Variants in TUBB3 observed in about 807,000 individuals in gnomAD.
TUBB3 encodes the protein tubulin beta 3 class III, also known as tubulin beta-3 chain.
Under a neutral mutation model 37.8 loss-of-function variants are expected in TUBB3, and 17 were observed. The observed-to-expected ratio is 0.45, with a 90% CI of 0.31 to 0.67. TUBB3 has a LOEUF of 0.67. Ranked by LOEUF, TUBB3 falls within the 30% of genes least tolerant of loss-of-function variation. The pLI is 0.07. For synonymous variants in TUBB3, 332 were observed against 278.9 expected, an observed-to-expected ratio of 1.19 and a Z score of -1.90; for missense variants, 262 against 657.9, an observed-to-expected ratio of 0.40 and a Z score of 6.58.
At chr16:89,928,367 T>G (rs1280878393) in intron 1 of TUBB3, among the ~76,000 whole-genome samples, 1 of 151,378 alleles carries the variant, frequency 6.6e-6, no homozygotes, top group Non-Finnish European at 1.5e-5. Flanking sequence ...ATTTTTTTGT[T>G]TGTTTGTTTG....
chr16:89,926,591 T>C (rs1305077381), intron 1 of TUBB3, among the ~76,000 whole-genome samples: 1 of 152,256 alleles, frequency 6.6e-6, no homozygotes, highest in Admixed American at 6.5e-5. Context: ...TTTTTGGTTA[T>C]GAGAGGAGGC....
chr16:89,923,515 G>A (rs1042139517), intron 1 of TUBB3, 57 bp downstream of exon 1: 3 of 1,338,888 alleles, frequency 2.2e-6, no homozygotes, highest in East Asian at 3.3e-5. Flanking sequence ...GGGAGGCGCC[G>A]TGCCCCGCGG....
intron 1 of TUBB3, among the ~76,000 whole-genome samples, chr16:89,929,857 C>T (rs556159205): frequency 7.9e-5 from 12 of 151,684 alleles, no homozygotes; most frequent in African/African-American, 2.4e-4. Context: ...CTCGCCACCA[C>T]GCCTGGCTAA....
At chr16:89,927,423 C>G (rs983133465) in intron 1 of TUBB3, among the ~76,000 whole-genome samples, 1 of 151,780 alleles carries the variant, frequency 6.6e-6, no homozygotes, top group Non-Finnish European at 1.5e-5. Context: ...TACTTTATCT[C>G]AAATTATAAT....
intron 1 of TUBB3, among the ~76,000 whole-genome samples, chr16:89,927,217 A>G (rs1025153706): frequency 4.6e-5 from 7 of 151,788 alleles, no homozygotes; most frequent in Non-Finnish European, 7.4e-5. Flanking sequence ...CCTACAAAAA[A>G]TAAAAAACAA....
Position 89,932,622 on chromosome 16 carries a change from G to A in TUBB3, c.109G>A (p.Val37Met), listed in dbSNP as rs372720472. 43 of 1,614,054 alleles carry A rather than the reference G, an allele frequency of 2.7e-5. No homozygotes were observed. Among genetic ancestry groups the A allele is most frequent in the Middle Eastern group, 1.6e-4 (1 of 6,084 alleles). Residue 37 changes from valine (V) to methionine (M), a missense_variant, in exon 2 of 4, where the codon GTG (valine) becomes ATG (methionine). Val to Met is a conservative substitution (Grantham distance 21). This residue lies in a region of TUBB3 where 58 missense variants were observed against 74.2 expected (regional missense o/e 0.78). Transcript: ENST00000315491. ...TGGCATCGACCCCAGCGGCAACTAC[G>A]TGGGCGACTCGGACTTGCAGCTGGA... The part of the protein sequence containing the change: ...EHGIDPSGNY[V>M]GDSDLQLERI...
At chr16:89,930,609 G>C (rs1435044912) in intron 1 of TUBB3, among the ~76,000 whole-genome samples, 3 of 152,036 alleles carry the variant, frequency 2.0e-5, no homozygotes, top group African/African-American at 4.8e-5. Context: ...AGTAGAGACA[G>C]GCTGGTCTCG....
At chr16:89,926,382 T>C (rs1024243254) in intron 1 of TUBB3, among the ~76,000 whole-genome samples, 1 of 152,232 alleles carries the variant, frequency 6.6e-6, no homozygotes. Flanking sequence ...ATTCGGGTCC[T>C]GGAGGGGCTT....
rs1317414525 is a variant in TUBB3, at chr16:89,932,617, A to C, written c.104A>C (p.Asn35Thr). 2 of 1,614,152 alleles carry C rather than the reference A, an allele frequency of 1.2e-6. No homozygotes were observed. Among genetic ancestry groups the C allele is most frequent in the South Asian group, 2.2e-5 (2 of 91,082 alleles). Residue 35 changes from asparagine to threonine, a missense_variant, in exon 2 of 4, where the codon AAC becomes ACC. By Grantham distance (65) the Asn-to-Thr change is moderately conservative. This residue lies in a region of TUBB3 where 58 missense variants were observed against 74.2 expected (regional missense o/e 0.78). Transcript: ENST00000315491. ...GAGCATGGCATCGACCCCAGCGGCA[A>C]CTACGTGGGCGACTCGGACTTGCAG... ...SDEHGIDPSG[N>T]YVGDSDLQLE...
At chr16:89,931,354 C>T (rs1412490737) in intron 1 of TUBB3, among the ~76,000 whole-genome samples, 3 of 152,220 alleles carry the variant, frequency 2.0e-5, no homozygotes, top group Non-Finnish European at 1.5e-5. Flanking sequence ...CCTTCATACC[C>T]GTCAGCTCAT....
chr16:89,926,704 G>T (rs2030099354), intron 1 of TUBB3, among the ~76,000 whole-genome samples: 1 of 152,190 alleles, frequency 6.6e-6, no homozygotes, highest in South Asian at 2.1e-4. Flanking sequence ...ACCACGCCTG[G>T]CCACAATTTT....
At chr16:89,930,127 G>T (rs994240366) in intron 1 of TUBB3, among the ~76,000 whole-genome samples, 2 of 144,928 alleles carry the variant, frequency 1.4e-5, no homozygotes, top group Non-Finnish European at 3.0e-5. Flanking sequence ...CTTTCTTTCT[G>T]ACAGTCTCGC....
intron 3 of TUBB3, 159 bp from the exon 4 acceptor site, chr16:89,934,570 C>G: frequency 1.3e-6 from 1 of 740,874 alleles, no homozygotes; most frequent in Non-Finnish European, 2.3e-6. Flanking sequence ...AGGGAAGCCA[C>G]GGCGGGTATG....
chr16:89,931,762 C>A, intron 1 of TUBB3: 1 of 291,260 alleles, frequency 3.4e-6, no homozygotes, highest in Non-Finnish European at 7.4e-6. Flanking sequence ...TCTGTGAACC[C>A]AGCAGGCCCA....
At chr16:89,928,935 T>C (rs528598324) in intron 1 of TUBB3, among the ~76,000 whole-genome samples, 1 of 151,430 alleles carries the variant, frequency 6.6e-6, no homozygotes, top group East Asian at 1.9e-4. Flanking sequence ...GTGCTGGGAT[T>C]GCAGGCGTGA....
At chr16:89,925,831 T>C (rs1242219968) in intron 1 of TUBB3, among the ~76,000 whole-genome samples, 1 of 152,130 alleles carries the variant, frequency 6.6e-6, no homozygotes, top group Non-Finnish European at 1.5e-5. Flanking sequence ...GCCCGTGCAC[T>C]CTGGGCAGAG....
intron 1 of TUBB3, chr16:89,931,821 G>A (rs59670900): frequency 5.0e-6 from 2 of 400,788 alleles, no homozygotes; most frequent in South Asian, 3.5e-5. Context: ...AGCAGAGTCC[G>A]AGAAGCACTG....
Position 89,935,396 on chromosome 16 carries a change from C to T in TUBB3, c.945C>T (p.Thr315=), listed in dbSNP as rs776237018. ...PRHGRYLTVA[T]VFRGRMSMKE... ...ACGGCCGCTACCTGACGGTGGCCAC[C>T]GTGTTCCGGGGCCGCATGTCCATGA... is the stretch of plus-strand genomic sequence containing the variant. Residue 315 remains threonine (T), a synonymous_variant, in exon 4 of 4, where the codon ACC becomes ACT. Coordinates refer to ENST00000315491, the MANE Select transcript of TUBB3 (RefSeq NM_006086.4). 66 of 1,613,968 alleles carry T rather than the reference C, an allele frequency of 4.1e-5. No homozygotes were observed. Among genetic ancestry groups the T allele is most frequent in the South Asian group, 7.7e-5 (7 of 91,080 alleles).
intron 1 of TUBB3, among the ~76,000 whole-genome samples, chr16:89,926,374 T>G (rs1244159209): frequency 6.6e-6 from 1 of 152,350 alleles, no homozygotes; most frequent in East Asian, 1.9e-4. Context: ...GGAACCGCAT[T>G]CGGGTCCTGG....
Sources: gnomAD v4.1 joint callset for allele counts (sites outside exome capture counted in the v4.1 genomes callset) on GRCh38, gnomAD v4.1.1 for gene constraint, gnomAD v4.1.1 regional missense constraint, MANE v1.5 for transcripts, NCBI Gene and HGNC (gene_info 2026-07-23, HGNC 2026-07-21) for gene names.